AADAC: variants seen among roughly 807,000 people sequenced by gnomAD.
AADAC encodes the protein arylacetamide deacetylase, also known as arylacetamide deacetylase (esterase).
Under a neutral mutation model 22.7 loss-of-function variants are expected in AADAC, and 17 were observed. The ratio of observed to expected loss-of-function variants is 0.75; its 90% confidence interval spans 0.51 to 1.12. The LOEUF is 1.12. Ranked by LOEUF, AADAC falls within the 50% of genes most tolerant of loss-of-function variation. The probability of loss-of-function intolerance (pLI) is 0.00; values close to 1 mark genes in which losing one functional copy is unlikely to be tolerated. For missense variants in AADAC, 465 were observed against 473.9 expected, an observed-to-expected ratio of 0.98 and a Z score of 0.17; for synonymous variants, 167 against 176.3, an observed-to-expected ratio of 0.95 and a Z score of 0.42.
intron 2 of AADAC, among the ~76,000 whole-genome samples, chr3:151,818,341 G>A (rs757535391): frequency 3.9e-5 from 6 of 151,940 alleles, no homozygotes; most frequent in Non-Finnish European, 7.4e-5. Context: ...ATAATACAGT[G>A]TGTTTTAAAG....
chr3:151,819,668 C>G (rs1263778671), intron 2 of AADAC, among the ~76,000 whole-genome samples: 1 of 151,682 alleles, frequency 6.6e-6, no homozygotes, highest in Non-Finnish European at 1.5e-5. Context: ...GGAGTGTTGA[C>G]TGATAGATAC....
In AADAC at chr3:151,824,783, T is replaced by C; in HGVS notation, c.552T>C (p.Gly184=). The C allele has an allele frequency of 6.2e-7, 1 of 1,607,202 alleles. No individual in the cohort carries two copies. The highest frequency in any genetic ancestry group is 1.7e-5 in the Admixed American group (1 of 58,886). The change falls in exon 4 of 5, where the codon GGT becomes GGC. Residue 184 remains glycine, a synonymous_variant. Transcript: ENST00000232892. ...ATGGTGTGAACCCTGAGAGAATCGG[T>C]ATTTCTGGAGATAGTGCAGGAGGGA... The part of the protein sequence containing the change: ...AKYGVNPERI[G]ISGDSAGGNL...
chr3:151,819,027 C>G (rs1716120491), intron 2 of AADAC, among the ~76,000 whole-genome samples: 1 of 151,730 alleles, frequency 6.6e-6, no homozygotes, highest in South Asian at 2.1e-4. Flanking sequence ...ATAAATTAGT[C>G]CTGAAAAGAA....
In AADAC at chr3:151,816,360, C is replaced by A. The variant is rs914898324; in HGVS notation, c.139-1006C>A. On this transcript the variant is annotated intron_variant, in intron 1 of 4. Coordinates refer to ENST00000232892, the MANE Select transcript of AADAC (RefSeq NM_001086.3). ...CTTAGGAAAAGGTATTTATTTCAAG[C>A]CTCAGACAAAATTGCTTTTCCAGTT... Among the ~76,000 whole-genome samples the A allele has an allele frequency of 2.3e-4, 35 of 152,096 alleles. 1 individual carries two copies. The highest frequency in any genetic ancestry group is 2.2e-3 in the Admixed American group (34 of 15,264).
rs1422679713 is a variant in AADAC at position 151,827,890 on chromosome 3, G to A, written c.918G>A (p.Glu306=). ...VYNNPNYGSS[E]LAKKYPGFLD... ...ACAATCCAAATTATGGCAGTTCTGA[G>A]CTGGCTAAAAAATATCCAGGGTTCC... The change falls in exon 5 of 5, where the codon GAG becomes GAA. Residue 306 remains glutamate (E), a synonymous_variant. Coordinates refer to ENST00000232892, the MANE Select transcript of AADAC (RefSeq NM_001086.3). 1 of 1,611,968 alleles carries A rather than the reference G, an allele frequency of 6.2e-7. No homozygotes were observed. Among genetic ancestry groups the A allele is most frequent in the Non-Finnish European group, 8.5e-7 (1 of 1,179,178 alleles).
In AADAC at chr3:151,827,759, G is replaced by T. The variant is rs1716561671; in HGVS notation, c.787G>T (p.Ala263Ser). 2 of 1,613,020 alleles carry T rather than the reference G, an allele frequency of 1.2e-6. No individual in the cohort carries two copies. Among genetic ancestry groups the T allele is most frequent in the Admixed American group, 3.3e-5 (2 of 59,870 alleles). The change falls in exon 5 of 5, where the codon GCC becomes TCC. Residue 263 changes from alanine to serine, a missense_variant. Ala to Ser is a moderately conservative substitution (Grantham distance 99). Transcript: ENST00000232892. ...TACCACTGATAGATCACTTGAAAAA[G>T]CCATGCTTTCCAGACAACATGTACC... is the stretch of plus-strand genomic sequence containing the variant. ...YFTTDRSLEKAMLSRQHVPVE... is the reference protein window; with the variant it reads ...YFTTDRSLEKSMLSRQHVPVE...
At chr3:151,817,116 T>C (rs1407284424) in intron 1 of AADAC, among the ~76,000 whole-genome samples, 1 of 152,094 alleles carries the variant, frequency 6.6e-6, no homozygotes, top group Non-Finnish European at 1.5e-5. Context: ...CCTTGCATTA[T>C]GTCAAGGAGA....
intron 4 of AADAC, among the ~76,000 whole-genome samples, chr3:151,825,450 A>G (rs920892827): frequency 2.6e-5 from 4 of 151,764 alleles, no homozygotes; most frequent in Non-Finnish European, 1.5e-5. Context: ...TAAGTAGGTG[A>G]ATGAGATCAT....
chr3:151,828,300 C>T lies in AADAC; in HGVS notation c.*128C>T. ...ATGTAGCATAATTCTTAAATAGGCA[C>T]TTTTCTGTTTTTTTTTTCTTACTGT... On this transcript the variant is annotated 3_prime_UTR_variant, in exon 5 of 5. Transcript: ENST00000232892. 1 of 476,916 alleles carries T rather than the reference C, an allele frequency of 2.1e-6. No homozygotes were observed. The highest frequency in any genetic ancestry group is 3.5e-6 in the Non-Finnish European group (1 of 289,496). 29.5% of individuals were successfully genotyped at this position (476,916 alleles called of 1,614,324 possible).
At chr3:151,822,548 A>C (rs1360673893) in intron 3 of AADAC, among the ~76,000 whole-genome samples, 1 of 152,076 alleles carries the variant, frequency 6.6e-6, no homozygotes, top group Non-Finnish European at 1.5e-5. Flanking sequence ...TCCATTTATC[A>C]GTTAATTATT....
At chr3:151,826,664 A>G (rs1309720902) in intron 4 of AADAC, among the ~76,000 whole-genome samples, 1 of 151,890 alleles carries the variant, frequency 6.6e-6, no homozygotes, top group Non-Finnish European at 1.5e-5. Context: ...ATATTTTGTA[A>G]TATTTCATTC....
At chr3:151,825,172 T>C (rs1003698486) in intron 4 of AADAC, among the ~76,000 whole-genome samples, 1 of 141,716 alleles carries the variant, frequency 7.1e-6, no homozygotes, top group African/African-American at 2.6e-5. Context: ...AGGAGTTTGA[T>C]AGCAGCTTGG....
At chr3:151,824,600 T>C in intron 3 of AADAC, 63 bp from the exon 4 acceptor site, 1 of 1,281,494 alleles carries the variant, frequency 7.8e-7, no homozygotes, top group Non-Finnish European at 1.0e-6. Context: ...TTTGCACCAA[T>C]AATATATTAC....
At position 151,828,073 on chromosome 3, in the gene AADAC, T is replaced by C. The variant is rs774162844; in HGVS notation, c.1101T>C (p.His367=). 6.8e-6 allele frequency: 11 copies of C among 1,612,866 alleles called. No individual in the cohort carries two copies. Among genetic ancestry groups the C allele is most frequent in the South Asian group, 3.3e-5 (3 of 90,978 alleles). The change falls in exon 5 of 5, where the codon CAT becomes CAC. Residue 367 remains histidine, a synonymous_variant. Coordinates refer to ENST00000232892, the MANE Select transcript of AADAC (RefSeq NM_001086.3). The part of the protein sequence containing the change: ...RNTGVQVTHN[H]VEDGFHGAFS... The stretch of plus-strand genomic sequence containing the variant: ...CTGGGGTTCAGGTGACTCATAACCA[T>C]GTTGAGGATGGATTCCATGGAGCAT...
intron 1 of AADAC, among the ~76,000 whole-genome samples, chr3:151,816,056 T>C (rs890282602): frequency 6.6e-6 from 1 of 152,038 alleles, no homozygotes; most frequent in African/African-American, 2.4e-5. Context: ...GATAAGAAAA[T>C]GTTATCTTCC....
rs374146444 is a variant in AADAC, at chr3:151,817,623, G to C, written c.361+35G>C. On this transcript the variant is annotated intron_variant, in intron 2 of 4. Transcript: ENST00000232892. ...TGCTTTGAAAAATCTCTGTCACTGA[G>C]GTAGTTCGCAGACATTTTACTAAGT... is the stretch of plus-strand genomic sequence containing the variant. The C allele has an allele frequency of 2.5e-6, 4 of 1,589,866 alleles. No homozygotes were observed. The African/African-American group carries it at 5.4e-5, about 21-fold the overall frequency.
At chr3:151,826,269 C>T (rs1419347988) in intron 4 of AADAC, among the ~76,000 whole-genome samples, 2 of 151,880 alleles carry the variant, frequency 1.3e-5, no homozygotes, top group Admixed American at 6.6e-5. Context: ...GCAGCAAAAG[C>T]ATTAGACTGG....
chr3:151,819,167 A>T lies in AADAC; in HGVS notation c.362-1216A>T, dbSNP rs189266748. Reference sequence around the variant, plus strand: ...CTGACAGGATGACTGGGAGGGTGAGAACAGATTTCTGGGGAATGCAAACAA... The same window carrying T: ...CTGACAGGATGACTGGGAGGGTGAGTACAGATTTCTGGGGAATGCAAACAA... On this transcript the variant is annotated intron_variant, in intron 2 of 4. Coordinates refer to ENST00000232892, the MANE Select transcript of AADAC (RefSeq NM_001086.3). Among the ~76,000 whole-genome samples the T allele has an allele frequency of 1.7e-4, 26 of 152,116 alleles. 1 individual carries two copies. Among genetic ancestry groups the T allele is most frequent in the African/African-American group, 5.8e-4 (24 of 41,546 alleles).
intron 3 of AADAC, among the ~76,000 whole-genome samples, chr3:151,822,987 T>G (rs1170278130): frequency 6.6e-6 from 1 of 151,884 alleles, no homozygotes; most frequent in Admixed American, 6.6e-5. Flanking sequence ...AATGGTTATA[T>G]TAAAAATTCA....
Sources: gnomAD v4.1 joint callset for allele counts (sites outside exome capture counted in the v4.1 genomes callset) on GRCh38, gnomAD v4.1.1 for gene constraint, MANE v1.5 for transcripts, NCBI Gene and HGNC (gene_info 2026-07-23, HGNC 2026-07-21) for gene names.